Variants in SDK1 observed in about 807,000 individuals in gnomAD.
The protein encoded by SDK1 is protein sidekick-1.
SDK1 carries 157 observed loss-of-function variants against 245.5 expected under a neutral mutation model. That is an observed-to-expected ratio of 0.64 (90% CI 0.56 to 0.73). The LOEUF (loss-of-function observed/expected upper bound fraction) is 0.73, where lower values mean the gene tolerates loss of function less well. Among genes scored for constraint, SDK1 ranks in the 30% least tolerant of loss-of-function variants. The pLI is 0.00. For synonymous variants in SDK1, 1,647 were observed against 1,278.5 expected, an observed-to-expected ratio of 1.29 and a Z score of -6.15; for missense variants, 3,583 against 3,002.3, an observed-to-expected ratio of 1.19 and a Z score of -4.52.
intron 5 of SDK1, among the ~76,000 whole-genome samples, chr7:3,871,018 T>A (rs192600009): frequency 6.5e-4 from 99 of 152,358 alleles, no homozygotes; most frequent in Non-Finnish European, 1.2e-3. Context: ...ACAACATTGA[T>A]CTACCAGTCC....
intron 1 of SDK1, among the ~76,000 whole-genome samples, chr7:3,391,201 TTG>T (rs1781739921): frequency 7.3e-6 from 1 of 137,760 alleles, no homozygotes; most frequent in Admixed American, 6.9e-5. Flanking sequence ...CTTCTGCAAT[TTG>T]TTTGTTTTCT....
chr7:3,628,530 G>C (rs557128737), intron 2 of SDK1, among the ~76,000 whole-genome samples: 79 of 152,162 alleles, frequency 5.2e-4, no homozygotes, highest in Non-Finnish European at 5.0e-4. Context: ...GGGGCTACTA[G>C]AGACTCCCCA....
At chr7:3,336,137 C>G (rs936176283) in intron 1 of SDK1, among the ~76,000 whole-genome samples, 12 of 152,166 alleles carry the variant, frequency 7.9e-5, no homozygotes, top group African/African-American at 2.4e-4. Context: ...TCTAACAAAA[C>G]AGAGCTTTTG....
intron 17 of SDK1, among the ~76,000 whole-genome samples, chr7:4,048,856 CAA>C (rs1789224260): frequency 6.6e-6 from 1 of 152,184 alleles, no homozygotes; most frequent in Non-Finnish European, 1.5e-5. Flanking sequence ...CGTTGACAGA[CAA>C]AGAGAAATTT....
chr7:4,015,809 C>T (rs546350272), intron 16 of SDK1, among the ~76,000 whole-genome samples: 1 of 152,322 alleles, frequency 6.6e-6, no homozygotes, highest in South Asian at 2.1e-4. Flanking sequence ...GGCCCGGTAC[C>T]TTCTTGCTAC....
chr7:4,139,737 ATGTGTG>A (rs753347309), intron 28 of SDK1, among the ~76,000 whole-genome samples: 5 of 63,152 alleles, frequency 7.9e-5, no homozygotes, highest in African/African-American at 2.6e-4. Flanking sequence ...GTGTGTGTGT[ATGTGTG>A]TGTGTGTGTG....
At chr7:4,019,374 G>C (rs1045925971) in intron 17 of SDK1, among the ~76,000 whole-genome samples, 1 of 152,202 alleles carries the variant, frequency 6.6e-6, no homozygotes, top group Non-Finnish European at 1.5e-5. Flanking sequence ...TCTGACGTCA[G>C]TAGGACTTGA....
At chr7:4,148,060 C>T (rs886600473) in intron 29 of SDK1, among the ~76,000 whole-genome samples, 14 of 151,992 alleles carry the variant, frequency 9.2e-5, no homozygotes, top group African/African-American at 2.2e-4. Context: ...CCTCCATCCT[C>T]GTGGCTCAGG....
At chr7:4,013,628 AAT>A (rs1442826541) in intron 16 of SDK1, among the ~76,000 whole-genome samples, 7 of 152,210 alleles carry the variant, frequency 4.6e-5, no homozygotes, top group African/African-American at 1.7e-4. Flanking sequence ...TTCATCATTT[AAT>A]ATGTGTTTTT....
At chr7:3,393,285 C>G (rs533152500) in intron 1 of SDK1, among the ~76,000 whole-genome samples, 1 of 152,048 alleles carries the variant, frequency 6.6e-6, no homozygotes, top group East Asian at 1.9e-4. Flanking sequence ...ATTTTCAGTT[C>G]TTTTGGATGT....
chr7:3,447,799 G>C (rs1473349601), intron 1 of SDK1, among the ~76,000 whole-genome samples: 1 of 150,136 alleles, frequency 6.7e-6, no homozygotes, highest in Non-Finnish European at 1.5e-5. Flanking sequence ...CTGCCTCCCG[G>C]GTTCAAGTGA....
At chr7:3,853,782 A>T (rs1780474615) in intron 5 of SDK1, among the ~76,000 whole-genome samples, 1 of 152,114 alleles carries the variant, frequency 6.6e-6, no homozygotes, top group East Asian at 1.9e-4. Context: ...CGAGGTCAAG[A>T]CATTGAGACC....
intron 22 of SDK1, among the ~76,000 whole-genome samples, chr7:4,085,962 A>G (rs1270036821): frequency 6.6e-6 from 1 of 152,216 alleles, no homozygotes; most frequent in Non-Finnish European, 1.5e-5. Flanking sequence ...ACATTCACAG[A>G]AGTTTCTGTT....
At chr7:3,776,813 C>T (rs557075948) in intron 4 of SDK1, among the ~76,000 whole-genome samples, 3 of 151,828 alleles carry the variant, frequency 2.0e-5, no homozygotes, top group Admixed American at 6.6e-5. Flanking sequence ...AGAGATTGAC[C>T]TTGGTTTTGT....
chr7:3,533,488 T>C (rs770194781), intron 1 of SDK1, among the ~76,000 whole-genome samples: 4 of 152,230 alleles, frequency 2.6e-5, no homozygotes, highest in Non-Finnish European at 5.9e-5. Flanking sequence ...GCTTATGTTA[T>C]AGGCATTGTT....
intron 4 of SDK1, among the ~76,000 whole-genome samples, chr7:3,742,705 ATT>A (rs918555628): frequency 2.0e-5 from 3 of 152,076 alleles, no homozygotes; most frequent in Non-Finnish European, 4.4e-5. Context: ...ACCAAATAAA[ATT>A]ATATACTTTT....
At chr7:3,986,012 G>A (rs186424869) in intron 13 of SDK1, among the ~76,000 whole-genome samples, 1 of 152,210 alleles carries the variant, frequency 6.6e-6, no homozygotes, top group Admixed American at 6.5e-5. Flanking sequence ...GCACTGCCTG[G>A]CAGCGTTTAT....
intron 2 of SDK1, among the ~76,000 whole-genome samples, chr7:3,627,714 C>A (rs1047228404): frequency 6.6e-6 from 1 of 152,152 alleles, no homozygotes; most frequent in African/African-American, 2.4e-5. Context: ...CCAACATGAC[C>A]GATTGATGTC....
chr7:3,683,270 C>T (rs1341366610), intron 4 of SDK1, among the ~76,000 whole-genome samples: 1 of 152,186 alleles, frequency 6.6e-6, no homozygotes, highest in Non-Finnish European at 1.5e-5. Context: ...CAGGACCCAG[C>T]ACATACTATG....
Sources: gnomAD v4.1 joint callset for allele counts (sites outside exome capture counted in the v4.1 genomes callset) on GRCh38, gnomAD v4.1.1 for gene constraint, MANE v1.5 for transcripts, NCBI Gene and HGNC (gene_info 2026-07-23, HGNC 2026-07-21) for gene names.